DCAF5: variants seen among roughly 807,000 people sequenced by gnomAD.
The protein encoded by DCAF5 is DDB1- and CUL4-associated factor 5.
Under a neutral mutation model 80.7 loss-of-function variants are expected in DCAF5, and 9 were observed. The ratio of observed to expected loss-of-function variants is 0.11; its 90% CI spans 0.07 to 0.19. The LOEUF is 0.19. Among genes scored for constraint, DCAF5 ranks in the 10% least tolerant of loss-of-function variants. DCAF5 has a pLI of 1.00. For synonymous variants in DCAF5, 433 were observed against 461.9 expected (o/e 0.94, Z 0.80); for missense variants, 842 against 1,205.7 (o/e 0.70, Z 4.47).
intron 6 of DCAF5, among the ~76,000 whole-genome samples, chr14:69,085,975 G>A (rs919734060): frequency 1.3e-5 from 2 of 152,168 alleles, no homozygotes; most frequent in East Asian, 1.9e-4. Context: ...CTAACAATTC[G>A]ATTTGCCGTT....
rs45611837 is a variant in DCAF5, at chr14:69,051,155, T to C, written c.*2702A>G. On this transcript the variant is annotated 3_prime_UTR_variant, in exon 9 of 9. Transcript: ENST00000341516. ...AAACCAGCTGGAAAATAGAGAGAAA[T>C]GATTTTACATATCTGGACCTGCCAC... 3.9e-5 allele frequency: 6 copies of C among 152,520 alleles called. No individual in the cohort carries two copies. The highest frequency in any genetic ancestry group is 7.2e-5 in the African/African-American group (3 of 41,410). 9.4% of individuals were successfully genotyped at this position (152,520 alleles called of 1,614,324 possible).
chr14:69,150,876 C>A (rs1445029407), intron 1 of DCAF5, among the ~76,000 whole-genome samples: 1 of 152,128 alleles, frequency 6.6e-6, no homozygotes. Context: ...GCCTGGGCAA[C>A]AGAGTGATAC....
chr14:69,100,415 A>C (rs1445835885), intron 5 of DCAF5, among the ~76,000 whole-genome samples: 1 of 152,226 alleles, frequency 6.6e-6, no homozygotes, highest in East Asian at 1.9e-4. Flanking sequence ...GCTAAATTTG[A>C]AATCCAGTCA....
intron 5 of DCAF5, among the ~76,000 whole-genome samples, chr14:69,111,915 G>C (rs1449440123): frequency 6.6e-6 from 1 of 152,178 alleles, no homozygotes; most frequent in Non-Finnish European, 1.5e-5. Flanking sequence ...CAACTCCAGT[G>C]TCTACAGGGT....
chr14:69,148,322 C>G (rs554268327), intron 1 of DCAF5, among the ~76,000 whole-genome samples: 3 of 152,044 alleles, frequency 2.0e-5, no homozygotes, highest in Admixed American at 2.0e-4. Context: ...AATGTTGTTC[C>G]CCATCCCTCA....
chr14:69,066,501 T>C (rs2038448743), intron 7 of DCAF5, among the ~76,000 whole-genome samples: 1 of 152,140 alleles, frequency 6.6e-6, no homozygotes, highest in South Asian at 2.1e-4. Context: ...TAATCTTTCT[T>C]TGATTTAGAA....
At chr14:69,122,566 G>C (rs1264015268) in intron 1 of DCAF5, among the ~76,000 whole-genome samples, 2 of 152,146 alleles carry the variant, frequency 1.3e-5, no homozygotes, top group African/African-American at 2.4e-5. Context: ...CCCAGGAATT[G>C]AATCTTAAGC....
In DCAF5 at chr14:69,094,109, A is replaced by G. The variant is rs140282339; in HGVS notation, c.666-2222T>C. ...TAAACCAGCATTTGTAGGACTGACT[A>G]GGAGTTGGGGGTTGGAAACAAGAGT... On this transcript the variant is annotated intron_variant, in intron 5 of 8. Coordinates refer to ENST00000341516, the MANE Select transcript of DCAF5 (RefSeq NM_003861.3). 1.2e-4 allele frequency among the ~76,000 whole-genome samples: 19 copies of G among 152,314 alleles called. No homozygotes were observed. The East Asian group carries it at 3.7e-3, about 29-fold the overall frequency.
intron 1 of DCAF5, among the ~76,000 whole-genome samples, chr14:69,138,592 T>C (rs1336839499): frequency 6.6e-6 from 1 of 152,220 alleles, no homozygotes; most frequent in African/African-American, 2.4e-5. Flanking sequence ...TGACTTTCCC[T>C]ATTGAGGGAA....
chr14:69,136,276 T>G (rs2041194410), intron 1 of DCAF5, among the ~76,000 whole-genome samples: 1 of 151,940 alleles, frequency 6.6e-6, no homozygotes, highest in Admixed American at 6.6e-5. Context: ...TCACCATGCC[T>G]GGCTAATTGT....
intron 8 of DCAF5, among the ~76,000 whole-genome samples, chr14:69,059,139 T>A (rs1293247469): frequency 2.0e-5 from 3 of 152,070 alleles, no homozygotes; most frequent in Non-Finnish European, 2.9e-5. Context: ...CATGCTGGAG[T>A]GCAGTGGCAT....
chr14:69,112,380 T>C (rs1040811756), intron 5 of DCAF5, among the ~76,000 whole-genome samples: 2 of 151,930 alleles, frequency 1.3e-5, no homozygotes, highest in African/African-American at 4.8e-5. Context: ...TCTGAAAAAG[T>C]TCTATTGTAA....
intron 4 of DCAF5, 100 bp from the exon 5 acceptor site, chr14:69,116,595 T>TGG: frequency 7.0e-7 from 1 of 1,434,854 alleles, no homozygotes; most frequent in Non-Finnish European, 9.5e-7. Flanking sequence ...CACTCTTTAA[T>TGG]AACCACTCCA....
Position 69,055,238 on chromosome 14 carries a change from A to G in DCAF5, c.1448T>C (p.Leu483Pro), listed in dbSNP as rs766293122. ...VDESADNAFH[L>P]GPLRVTTTNT... ...TGTGGTGGTGACCCGCAGGGGCCCC[A>G]GGTGGAAGGCGTTGTCGGCAGACTC... The change falls in exon 9 of 9, where the codon CTG (leucine) becomes CCG (proline). Residue 483 changes from leucine to proline, a missense_variant. By Grantham distance (98) the Leu-to-Pro change is moderately conservative. Transcript: ENST00000341516. The surrounding 1 kb of genome is among the most constrained non-coding windows in gnomAD (Gnocchi z 5.6). The G allele has an allele frequency of 5.6e-6, 9 of 1,614,030 alleles. No individual in the cohort carries two copies. In the East Asian group the frequency reaches 1.8e-4, roughly 32 times the overall value.
At chr14:69,075,613 C>T (rs556674430) in intron 6 of DCAF5, among the ~76,000 whole-genome samples, 1 of 152,152 alleles carries the variant, frequency 6.6e-6, no homozygotes, top group Non-Finnish European at 1.5e-5. Context: ...TCCAGAGTAG[C>T]TGGGACTACA....
intron 5 of DCAF5, among the ~76,000 whole-genome samples, chr14:69,094,802 C>A (rs917531082): frequency 6.6e-6 from 1 of 152,108 alleles, no homozygotes; most frequent in Non-Finnish European, 1.5e-5. Flanking sequence ...AATGTAGATT[C>A]TCAGGATTCC....
rs142197218 is a variant in DCAF5, at chr14:69,113,991, G to A, written c.665+2375C>T. Reference sequence around the variant, plus strand: ...TCCTATATGGGCTCTGAAAACCGTAGGTTATCAAAGAAACTATAAAACCTT... The same window carrying A: ...TCCTATATGGGCTCTGAAAACCGTAAGTTATCAAAGAAACTATAAAACCTT... On this transcript the variant is annotated intron_variant, in intron 5 of 8. Coordinates refer to ENST00000341516, the MANE Select transcript of DCAF5 (RefSeq NM_003861.3). 3.3e-3 allele frequency among the ~76,000 whole-genome samples: 500 copies of A among 152,202 alleles called. 1 individual carries two copies. The highest frequency in any genetic ancestry group is 0.015 in the South Asian group (71 of 4,824).
intron 8 of DCAF5, among the ~76,000 whole-genome samples, chr14:69,059,411 C>T (rs560452406): frequency 1.1e-4 from 17 of 152,226 alleles, no homozygotes; most frequent in African/African-American, 3.1e-4. Flanking sequence ...TGGTGGCTAA[C>T]GCTCTTTGAG....
At chr14:69,129,648 T>C (rs1418858772) in intron 1 of DCAF5, among the ~76,000 whole-genome samples, 2 of 152,144 alleles carry the variant, frequency 1.3e-5, no homozygotes, top group Admixed American at 6.5e-5. Flanking sequence ...GTGAAGAATA[T>C]TTAGGATCAT....
Sources: gnomAD v4.1 joint callset for allele counts (sites outside exome capture counted in the v4.1 genomes callset) on GRCh38, gnomAD v4.1.1 for gene constraint, Gnocchi (gnomAD v3.1) non-coding constraint, MANE v1.5 for transcripts, NCBI Gene and HGNC (gene_info 2026-07-23, HGNC 2026-07-21) for gene names.